The following KCNT2 variants were observed in gnomAD, a reference collection of about 807,000 sequenced individuals.
KCNT2 encodes the protein potassium sodium-activated channel subfamily T member 2, also known as potassium channel subfamily T member 2.
In KCNT2, 67 loss-of-function variants were observed where a neutral mutation model predicts 153.8. That is an observed-to-expected ratio of 0.44 (90% confidence interval 0.36 to 0.53). The LOEUF (loss-of-function observed/expected upper bound fraction) is 0.53. Among genes scored for constraint, KCNT2 ranks in the 20% least tolerant of loss-of-function variants. The pLI is 0.00. For synonymous variants in KCNT2, 500 were observed against 458.8 expected (o/e 1.09, Z -1.15); for missense variants, 975 against 1,354.8 (o/e 0.72, Z 4.40).
At chr1:196,449,294 G>A (rs1377842812) in intron 8 of KCNT2, among the ~76,000 whole-genome samples, 2 of 151,602 alleles carry the variant, frequency 1.3e-5, no homozygotes, top group African/African-American at 4.8e-5. Flanking sequence ...AAATCAATGT[G>A]CTAGCAAACC....
At chr1:196,240,965 C>T (rs1425899116) in intron 26 of KCNT2, among the ~76,000 whole-genome samples, 1 of 150,440 alleles carries the variant, frequency 6.6e-6, no homozygotes, top group Non-Finnish European at 1.5e-5. Context: ...ATATTGGTAG[C>T]AAGAGAACAA....
intron 22 of KCNT2, among the ~76,000 whole-genome samples, chr1:196,293,229 T>C (rs759729634): frequency 6.6e-6 from 1 of 152,178 alleles, no homozygotes; most frequent in African/African-American, 2.4e-5. Context: ...GCAATCCTGA[T>C]TGAAATATCA....
At chr1:196,308,872 CTT>C (rs1661885280) in intron 21 of KCNT2, among the ~76,000 whole-genome samples, 1 of 152,062 alleles carries the variant, frequency 6.6e-6, no homozygotes, top group African/African-American at 2.4e-5. Flanking sequence ...AAAATCAACT[CTT>C]TTAAAAATAA....
At chr1:196,363,558 T>C (rs1367780482) in intron 14 of KCNT2, among the ~76,000 whole-genome samples, 2 of 152,118 alleles carry the variant, frequency 1.3e-5, no homozygotes, top group Admixed American at 6.6e-5. Flanking sequence ...GCCTTATTAG[T>C]TCATAGGGCT....
At chr1:196,269,674 C>T (rs946864016) in intron 25 of KCNT2, among the ~76,000 whole-genome samples, 5 of 151,988 alleles carry the variant, frequency 3.3e-5, no homozygotes, top group Non-Finnish European at 5.9e-5. Flanking sequence ...TGTAATCTAC[C>T]TGCCATAAAA....
chr1:196,242,000 T>G (rs2102261420), intron 26 of KCNT2, among the ~76,000 whole-genome samples: 1 of 152,256 alleles, frequency 6.6e-6, no homozygotes, highest in Admixed American at 6.5e-5. Context: ...ATATGATTTC[T>G]TCAATGGTGC....
At position 196,289,734 on chromosome 1, in the gene KCNT2, A is replaced by G. The variant is rs1013962713; in HGVS notation, c.2596-3976T>C. 2.8e-4 allele frequency among the ~76,000 whole-genome samples: 42 copies of G among 152,084 alleles called. 1 individual carries two copies. The highest frequency in any genetic ancestry group is 9.9e-4 in the African/African-American group (41 of 41,450). On this transcript the variant is annotated intron_variant, in intron 22 of 27. Transcript: ENST00000294725. Reference sequence around the variant, plus strand: ...GGGTTTTACAATAAATGTTTCTGCTATTGTTGCTAGTATAAACATACACTA... The same window carrying G: ...GGGTTTTACAATAAATGTTTCTGCTGTTGTTGCTAGTATAAACATACACTA...
intron 1 of KCNT2, among the ~76,000 whole-genome samples, chr1:196,567,636 A>G (rs765452296): frequency 6.6e-6 from 1 of 152,200 alleles, no homozygotes; most frequent in Non-Finnish European, 1.5e-5. Flanking sequence ...ATGTTGTTAC[A>G]AGAACTTAAG....
chr1:196,275,422 A>G (rs574261325), intron 25 of KCNT2, among the ~76,000 whole-genome samples: 1 of 151,640 alleles, frequency 6.6e-6, no homozygotes, highest in Admixed American at 6.6e-5. Flanking sequence ...TGTTTGTGTG[A>G]CTTCTCCTTT....
At chr1:196,532,404 A>C (rs1200475816) in intron 1 of KCNT2, among the ~76,000 whole-genome samples, 1 of 152,042 alleles carries the variant, frequency 6.6e-6, no homozygotes, top group African/African-American at 2.4e-5. Context: ...TTTTAACCTA[A>C]TATCCTGGAA....
At chr1:196,415,107 G>A (rs1355183916) in intron 12 of KCNT2, among the ~76,000 whole-genome samples, 1 of 151,836 alleles carries the variant, frequency 6.6e-6, no homozygotes, top group African/African-American at 2.4e-5. Flanking sequence ...GCAACTAAAA[G>A]AAATGATCTG....
At chr1:196,440,407 A>G (rs1675122462) in intron 8 of KCNT2, among the ~76,000 whole-genome samples, 1 of 151,928 alleles carries the variant, frequency 6.6e-6, no homozygotes. Context: ...CACTTTTTTT[A>G]TTGCACTAAT....
In KCNT2 at chr1:196,482,370, G is replaced by A. The variant is rs267598264; in HGVS notation, c.285C>T (p.Ile95=). ...NPSQGNEWSH[I]FWVNRSLPLW... ...AAGGTAGACTTCTGTTCACCCAAAAGATATGAGACCTATAAAAAGAATAAT... is the reference window on the plus strand; with the variant it reads ...AAGGTAGACTTCTGTTCACCCAAAAAATATGAGACCTATAAAAAGAATAAT... Residue 95 remains isoleucine, a synonymous_variant, in exon 4 of 28, where the codon ATC becomes ATT. Coordinates refer to ENST00000294725, the MANE Select transcript of KCNT2 (RefSeq NM_198503.5). The A allele has an allele frequency of 6.4e-7, 1 of 1,551,040 alleles. No individual in the cohort carries two copies. The highest frequency in any genetic ancestry group is 8.7e-7 in the Non-Finnish European group (1 of 1,145,700).
At chr1:196,414,449 T>G (rs1488130146) in intron 12 of KCNT2, among the ~76,000 whole-genome samples, 3 of 151,850 alleles carry the variant, frequency 2.0e-5, no homozygotes, top group African/African-American at 4.8e-5. Context: ...GAATTGAGGC[T>G]ATGGGAAGAA....
At chr1:196,335,355 C>T (rs1195489779) in intron 16 of KCNT2, among the ~76,000 whole-genome samples, 1 of 152,038 alleles carries the variant, frequency 6.6e-6, no homozygotes, top group Non-Finnish European at 1.5e-5. Flanking sequence ...CTATATGGTA[C>T]ATAGGCTATA....
intron 26 of KCNT2, among the ~76,000 whole-genome samples, chr1:196,243,636 G>C (rs571849180): frequency 6.6e-6 from 1 of 152,068 alleles, no homozygotes; most frequent in Non-Finnish European, 1.5e-5. Flanking sequence ...CCCACAGAGG[G>C]AACACTTAGA....
At chr1:196,303,366 A>C (rs1558122264) in intron 22 of KCNT2, among the ~76,000 whole-genome samples, 1 of 152,298 alleles carries the variant, frequency 6.6e-6, no homozygotes, top group Non-Finnish European at 1.5e-5. Flanking sequence ...CCTTTGGATA[A>C]AGAGATATAT....
intron 1 of KCNT2, among the ~76,000 whole-genome samples, chr1:196,550,098 TA>T (rs1226783666): frequency 3.3e-5 from 5 of 152,010 alleles, no homozygotes; most frequent in East Asian, 3.9e-4. Context: ...ACTGGATAGT[TA>T]AAAAAATTTT....
At chr1:196,511,568 T>C (rs1301935219) in intron 1 of KCNT2, among the ~76,000 whole-genome samples, 4 of 152,134 alleles carry the variant, frequency 2.6e-5, no homozygotes. Flanking sequence ...CAAAATAACA[T>C]AGATTCTGGG....
Sources: allele counts gnomAD v4.1 joint callset (sites outside exome capture counted in the v4.1 genomes callset), GRCh38; gene constraint gnomAD v4.1.1; transcripts MANE v1.5; gene names NCBI Gene and HGNC (gene_info 2026-07-23, HGNC 2026-07-21).